Variants in AEN observed in about 807,000 individuals in gnomAD.
AEN encodes apoptosis-enhancing nuclease.
AEN carries 21 observed loss-of-function variants against 17.7 expected under a neutral mutation model. The ratio of observed to expected loss-of-function variants is 1.19; its 90% CI spans 0.84 to 1.71. The LOEUF (loss-of-function observed/expected upper bound fraction) is 1.71. Among genes scored for constraint, AEN ranks in the 40% most tolerant of loss-of-function variants. The pLI is 0.00. For synonymous variants in AEN, 190 were observed against 173.0 expected, an observed-to-expected ratio of 1.10 and a Z score of -0.77; for missense variants, 462 against 435.9, an observed-to-expected ratio of 1.06 and a Z score of -0.53.
At position 88,630,690 on chromosome 15, in the gene AEN, G is replaced by C. The variant is rs1041753690; in HGVS notation, c.*396G>C. On this transcript the variant is annotated 3_prime_UTR_variant, in exon 4 of 4. Coordinates refer to ENST00000332810, the MANE Select transcript of AEN (RefSeq NM_022767.4). The surrounding 1 kb of genome is among the most constrained non-coding windows in gnomAD (Gnocchi z 5.1). ...TGAAAGGGATCATATCATCCTCTCT[G>C]GGGATGGTGGGTGGGGGTGTCAATA... 1.6e-4 allele frequency: 37 copies of C among 232,700 alleles called. No homozygotes were observed. The highest frequency in any genetic ancestry group is 1.7e-3 in the Middle Eastern group (1 of 584). The allele number at this position is 232,700 out of a possible 1,614,324, so 14.4% of individuals were successfully genotyped here.
Position 88,630,169 on chromosome 15 carries a change from C to T in AEN, c.853C>T (p.Pro285Ser), listed in dbSNP as rs767246787. ...QQEARSLWTC[P>S]EDREPDSSTD... ...GGAGGCCCGCAGCCTCTGGACCTGC[C>T]CCGAGGACAGAGAACCTGACAGCAG... The change falls in exon 4 of 4, where the codon CCC (proline) becomes TCC (serine). Residue 285 changes from proline to serine, a missense_variant. By Grantham distance (74) the Pro-to-Ser change is moderately conservative. Coordinates refer to ENST00000332810, the MANE Select transcript of AEN (RefSeq NM_022767.4). This position sits in a 1 kb window ranked among gnomAD's most constrained non-coding sequence, Gnocchi z 5.1. The T allele has an allele frequency of 1.2e-6, 2 of 1,613,758 alleles. No homozygotes were observed. Among genetic ancestry groups the T allele is most frequent in the Non-Finnish European group, 1.7e-6 (2 of 1,179,904 alleles).
At chr15:88,611,707 G>A in the AEN span, 44 of 308,748 alleles carry the variant, frequency 1.4e-4, no homozygotes, top group Non-Finnish European at 2.6e-4. Context: ...GAGGAGAGGT[G>A]TTCAAAGATG....
chr15:88,622,317 A>T (rs2057797974), intron 1 of AEN, among the ~76,000 whole-genome samples: 2 of 152,222 alleles, frequency 1.3e-5, no homozygotes, highest in Admixed American at 1.3e-4. Context: ...ACTTCTCTCC[A>T]GCTTCACTGA....
intron 1 of AEN, among the ~76,000 whole-genome samples, chr15:88,623,074 C>T (rs2057808299): frequency 6.6e-6 from 1 of 152,242 alleles, no homozygotes; most frequent in South Asian, 2.1e-4. Context: ...GACTATCCGC[C>T]AGCCCCCTTT....
intron 2 of AEN, chr15:88,627,893 C>G (rs774249261): frequency 1.3e-5 from 2 of 152,334 alleles, no homozygotes; most frequent in Non-Finnish European, 2.9e-5. Flanking sequence ...AGCCTTGTAA[C>G]AGAACCACTT....
upstream of AEN, among the ~76,000 whole-genome samples, chr15:88,617,498 C>A (rs975778605): frequency 6.6e-6 from 1 of 152,140 alleles, no homozygotes; most frequent in Admixed American, 6.5e-5. Context: ...GGTGATTCAC[C>A]CGCCTTGGCC....
upstream of AEN, chr15:88,621,223 G>T (rs1245708093): frequency 6.6e-6 from 1 of 152,266 alleles, no homozygotes; most frequent in Non-Finnish European, 1.5e-5. Flanking sequence ...CCGCCTCCCC[G>T]CTGCCAGGCA....
intron 1 of AEN, among the ~76,000 whole-genome samples, chr15:88,625,555 C>CAA (rs1025269624): frequency 3.3e-5 from 5 of 152,248 alleles, no homozygotes; most frequent in African/African-American, 1.2e-4. Context: ...TATCATATTA[C>CAA]AAAAAAATAC....
At chr15:88,629,904 C>T (rs1409004573) in intron 3 of AEN, among the ~76,000 whole-genome samples, 154 bp from the exon 4 acceptor site, 1 of 152,186 alleles carries the variant, frequency 6.6e-6, no homozygotes, top group East Asian at 1.9e-4. Flanking sequence ...TTATGGTGTA[C>T]AGTTGAGGTT....
the AEN span, among the ~76,000 whole-genome samples, chr15:88,614,679 T>A: frequency 2.4e-4 from 36 of 152,236 alleles, no homozygotes; most frequent in African/African-American, 8.2e-4. Flanking sequence ...CACGTTTCCC[T>A]GGATGAGCAG....
the AEN span, among the ~76,000 whole-genome samples, chr15:88,616,154 C>T: frequency 1.3e-5 from 2 of 150,858 alleles, no homozygotes; most frequent in Non-Finnish European, 3.0e-5. Flanking sequence ...AGTGCAGTGG[C>T]GCCATCTCGG....
rs1174291980 is a variant in AEN at position 88,629,445 on chromosome 15, G to A, written c.741+19G>A. 2 of 1,609,274 alleles carry A rather than the reference G, an allele frequency of 1.2e-6. No individual in the cohort carries two copies. Among genetic ancestry groups the A allele is most frequent in the Non-Finnish European group, 8.5e-7 (1 of 1,176,480 alleles). On this transcript the variant is annotated intron_variant, in intron 3 of 3. Coordinates refer to ENST00000332810, the MANE Select transcript of AEN (RefSeq NM_022767.4). The stretch of plus-strand genomic sequence containing the variant: ...GATCCAGGTGCGTGGTGGGAGAGTG[G>A]CTGGAAGGGAGGGAGGCCCGCCTGG...
chr15:88,624,849 C>T (rs2057831319), intron 1 of AEN, among the ~76,000 whole-genome samples: 1 of 149,460 alleles, frequency 6.7e-6, no homozygotes, highest in Non-Finnish European at 1.5e-5. Flanking sequence ...CGGCACTGCA[C>T]TCTAGCCTGG....
chr15:88,626,359 G>A lies in AEN; in HGVS notation c.150G>A (p.Gln50=), dbSNP rs1387804508. 6.2e-7 allele frequency: 1 copy of A among 1,613,160 alleles called. No individual in the cohort carries two copies. The highest frequency in any genetic ancestry group is 1.3e-5 in the African/African-American group (1 of 75,066). The change falls in exon 2 of 4, where the codon CAG becomes CAA. Residue 50 remains glutamine (Q), a synonymous_variant. Coordinates refer to ENST00000332810, the MANE Select transcript of AEN (RefSeq NM_022767.4). Reference sequence around the variant, plus strand: ...CCCGGAAGGCCTTGCTGCAGGAGCAGGGGCTGCTGAGCATGCCTCCAGAAC... The same window carrying A: ...CCCGGAAGGCCTTGCTGCAGGAGCAAGGGCTGCTGAGCATGCCTCCAGAAC... The part of the protein sequence containing the change: ...FMARKALLQE[Q]GLLSMPPEPG...
At chr15:88,610,121 T>C in the AEN span, among the ~76,000 whole-genome samples, 2 of 152,180 alleles carry the variant, frequency 1.3e-5, no homozygotes, top group Non-Finnish European at 2.9e-5. Flanking sequence ...TCAAAGTTTA[T>C]TTGCCAGGTC....
At chr15:88,611,433 TAAA>T in the AEN span, among the ~76,000 whole-genome samples, 22 of 94,028 alleles carry the variant, frequency 2.3e-4, no homozygotes, top group African/African-American at 7.9e-4. Context: ...TTGTCTTTAC[TAAA>T]AAAAAAAAAA....
At chr15:88,605,268 G>A in the AEN span, among the ~76,000 whole-genome samples, 1 of 152,196 alleles carries the variant, frequency 6.6e-6, no homozygotes, top group African/African-American at 2.4e-5. This position sits in a 1 kb window ranked among gnomAD's most constrained non-coding sequence, Gnocchi z 7.6. Context: ...GCTCGGTCCC[G>A]CGCCCAGTAG....
At chr15:88,611,223 G>C in the AEN span, among the ~76,000 whole-genome samples, 4 of 152,014 alleles carry the variant, frequency 2.6e-5, no homozygotes, top group African/African-American at 9.7e-5. Flanking sequence ...GTGGTTCAAT[G>C]CTTTATGATT....
the AEN span, chr15:88,608,143 G>A: frequency 1.9e-6 from 1 of 531,506 alleles, no homozygotes; most frequent in Non-Finnish European, 3.9e-6. Context: ...ATTGGTTGGT[G>A]TGTATTGCCT....
Sources: gnomAD v4.1 joint callset for allele counts (sites outside exome capture counted in the v4.1 genomes callset) on GRCh38, gnomAD v4.1.1 for gene constraint, Gnocchi (gnomAD v3.1) non-coding constraint, MANE v1.5 for transcripts, NCBI Gene and HGNC (gene_info 2026-07-23, HGNC 2026-07-21) for gene names.